The following TFEC variants were observed in gnomAD, a reference collection of about 807,000 sequenced individuals.
TFEC encodes class E basic helix-loop-helix protein 34.
A neutral mutation model predicts 41.6 loss-of-function variants in TFEC; 31 were observed. The observed-to-expected ratio is 0.74, with a 90% CI of 0.56 to 1.01. TFEC has a LOEUF of 1.01. Ranked by LOEUF, TFEC falls within the 50% of genes least tolerant of loss-of-function variation. The pLI is 0.00. For missense variants in TFEC, 402 were observed against 404.1 expected, an observed-to-expected ratio of 0.99 and a Z score of 0.04; for synonymous variants, 143 against 140.6, an observed-to-expected ratio of 1.02 and a Z score of -0.12.
chr7:115,950,957 A>G lies in TFEC; in HGVS notation c.440-8T>C. 1 of 1,532,706 alleles carries G rather than the reference A, an allele frequency of 6.5e-7. No individual in the cohort carries two copies. The highest frequency in any genetic ancestry group is 9.0e-7 in the Non-Finnish European group (1 of 1,115,420). 94.9% of individuals were successfully genotyped at this position (1,532,706 alleles called of 1,614,324 possible). On this transcript the variant is annotated splice_polypyrimidine_tract_variant and splice_region_variant and intron_variant, in intron 5 of 7. Coordinates refer to ENST00000265440, the MANE Select transcript of TFEC (RefSeq NM_012252.4). ...ACCTTCTTCTTCTTTCAACTATTAA[A>G]GAAGAAATATTATTGATTATTCTCA...
intron 3 of TFEC, among the ~76,000 whole-genome samples, chr7:116,043,468 T>C (rs898593777): frequency 2.0e-5 from 3 of 152,154 alleles, no homozygotes; most frequent in African/African-American, 7.2e-5. Flanking sequence ...AGTCATCCAA[T>C]TGTTGCTAGA....
chr7:116,072,724 C>T (rs1325661166), intron 3 of TFEC, among the ~76,000 whole-genome samples: 1 of 151,532 alleles, frequency 6.6e-6, no homozygotes, highest in Non-Finnish European at 1.5e-5. Flanking sequence ...ACATGAACAT[C>T]TCAATAGATG....
intron 1 of TFEC, among the ~76,000 whole-genome samples, chr7:116,011,355 G>A (rs1287515283): frequency 6.6e-6 from 1 of 151,992 alleles, no homozygotes; most frequent in Non-Finnish European, 1.5e-5. Context: ...TTAATTTCAT[G>A]ACCTCATAAG....
At chr7:115,958,326 CT>C (rs1554384540) in intron 3 of TFEC, among the ~76,000 whole-genome samples, 1 of 151,864 alleles carries the variant, frequency 6.6e-6, no homozygotes, top group Non-Finnish European at 1.5e-5. Flanking sequence ...CTTAGCCATA[CT>C]TTTTAAAGTG....
At chr7:115,961,517 A>G (rs1792551188) in intron 3 of TFEC, among the ~76,000 whole-genome samples, 1 of 151,638 alleles carries the variant, frequency 6.6e-6, no homozygotes, top group African/African-American at 2.4e-5. Context: ...AAATAACCAA[A>G]TAAATCCAAA....
chr7:115,947,433 C>T (rs1001752139), intron 6 of TFEC, among the ~76,000 whole-genome samples: 1 of 151,018 alleles, frequency 6.6e-6, no homozygotes, highest in African/African-American at 2.4e-5. Context: ...GGGTATATAC[C>T]CAGTAATGGG....
chr7:116,144,298 T>C (rs1028673070), intron 1 of TFEC, among the ~76,000 whole-genome samples: 2 of 152,184 alleles, frequency 1.3e-5, no homozygotes, highest in African/African-American at 4.8e-5. Context: ...ATTTGGATTA[T>C]TAAACTGAAG....
upstream of TFEC, among the ~76,000 whole-genome samples, chr7:116,032,810 G>A (rs1795819838): frequency 6.6e-6 from 1 of 152,032 alleles, no homozygotes; most frequent in South Asian, 2.1e-4. Context: ...TAACAAACCT[G>A]CACATGTATC....
intron 1 of TFEC, among the ~76,000 whole-genome samples, chr7:115,986,662 A>G (rs1460553944): frequency 6.6e-6 from 1 of 150,700 alleles, no homozygotes; most frequent in East Asian, 2.0e-4. Flanking sequence ...AAAAATAGAC[A>G]CCACATGTTC....
intron 7 of TFEC, chr7:115,941,605 TTATA>T: frequency 5.4e-6 from 2 of 367,816 alleles, no homozygotes; most frequent in Non-Finnish European, 9.6e-6. Flanking sequence ...TTTGTTGTCA[TTATA>T]TATGTGTATA....
intron 2 of TFEC, among the ~76,000 whole-genome samples, chr7:115,978,294 A>T (rs1382905830): frequency 6.6e-6 from 1 of 152,184 alleles, no homozygotes; most frequent in African/African-American, 2.4e-5. Context: ...AAGGAAAAAT[A>T]ATACCAAGTG....
intron 1 of TFEC, among the ~76,000 whole-genome samples, chr7:116,003,572 T>C (rs1408798805): frequency 2.0e-5 from 3 of 152,142 alleles, no homozygotes; most frequent in Non-Finnish European, 4.4e-5. Context: ...CCAGAAATGA[T>C]TGAATCCGAC....
intron 1 of TFEC, among the ~76,000 whole-genome samples, chr7:116,119,532 T>TA (rs540077360): frequency 1.2e-4 from 18 of 151,784 alleles, no homozygotes; most frequent in East Asian, 3.9e-4. Context: ...GAATATATGT[T>TA]AAAAAAACAC....
chr7:116,039,144 T>A (rs1467682743), intron 3 of TFEC, among the ~76,000 whole-genome samples: 2 of 152,074 alleles, frequency 1.3e-5, no homozygotes, highest in Admixed American at 1.3e-4. Flanking sequence ...CAAATGACTA[T>A]GACATTCTGC....
intron 3 of TFEC, among the ~76,000 whole-genome samples, chr7:116,066,617 T>C (rs958067937): frequency 6.6e-6 from 1 of 152,108 alleles, no homozygotes. Context: ...ATTTGAGTGT[T>C]TGAATGTAAC....
chr7:115,977,679 G>T (rs1408995322), intron 2 of TFEC, among the ~76,000 whole-genome samples: 4 of 151,910 alleles, frequency 2.6e-5, no homozygotes, highest in Non-Finnish European at 5.9e-5. Flanking sequence ...AAATGTTTGT[G>T]ATCTAAGTAA....
At chr7:116,009,169 C>T (rs540205319) in intron 1 of TFEC, among the ~76,000 whole-genome samples, 1 of 152,152 alleles carries the variant, frequency 6.6e-6, no homozygotes, top group African/African-American at 2.4e-5. Context: ...GTAAAATTAC[C>T]ATGTTATACC....
At chr7:115,943,024 G>A (rs1185893304) in intron 6 of TFEC, among the ~76,000 whole-genome samples, 4 of 151,954 alleles carry the variant, frequency 2.6e-5, no homozygotes, top group Non-Finnish European at 5.9e-5. Flanking sequence ...TATTTTTGGT[G>A]ATGTGACAAT....
intron 1 of TFEC, among the ~76,000 whole-genome samples, chr7:115,990,459 C>T (rs1794058023): frequency 1.3e-5 from 2 of 152,084 alleles, no homozygotes; most frequent in Non-Finnish European, 2.9e-5. Context: ...TGTTCGAACT[C>T]ATCACAAAAT....
Sources: allele counts gnomAD v4.1 joint callset (sites outside exome capture counted in the v4.1 genomes callset), GRCh38; gene constraint gnomAD v4.1.1; transcripts MANE v1.5; gene names NCBI Gene and HGNC (gene_info 2026-07-23, HGNC 2026-07-21).